Variants in BPI observed in about 807,000 individuals in gnomAD.
BPI encodes bactericidal permeability increasing protein.
BPI carries 48 observed loss-of-function variants against 57.6 expected under a neutral mutation model. That is an observed-to-expected ratio of 0.83 (90% CI 0.66 to 1.06). The LOEUF is 1.06. Among genes scored for constraint, BPI ranks in the 50% least tolerant of loss-of-function variants. BPI has a pLI of 0.00. For missense variants in BPI, 651 were observed against 609.7 expected (o/e 1.07, Z -0.71); for synonymous variants, 237 against 238.2 (o/e 0.99, Z 0.05).
chr20:38,328,694 A>G, intron 11 of BPI, among the ~76,000 whole-genome samples: 1 of 151,702 alleles, frequency 6.6e-6, no homozygotes, highest in Admixed American at 6.6e-5. Context: ...AGAAACAGAA[A>G]TGCAGAAAGA....
At chr20:38,329,790 G>T (rs534476775) in intron 11 of BPI, among the ~76,000 whole-genome samples, 1 of 152,138 alleles carries the variant, frequency 6.6e-6, no homozygotes, top group African/African-American at 2.4e-5. Flanking sequence ...TCAGCTCACT[G>T]CAACCCCTGC....
At chr20:38,334,159 G>C (rs1239074241) in intron 12 of BPI, among the ~76,000 whole-genome samples, 1 of 152,210 alleles carries the variant, frequency 6.6e-6, no homozygotes, top group Admixed American at 6.5e-5. Context: ...CCTCATGATT[G>C]TCGTGAGTTG....
intron 9 of BPI, among the ~76,000 whole-genome samples, chr20:38,325,628 T>C (rs2076708679): frequency 6.6e-6 from 1 of 152,160 alleles, no homozygotes; most frequent in Non-Finnish European, 1.5e-5. Context: ...CACTGGGAAT[T>C]AGGGTTTCAA....
intron 3 of BPI, 150 bp downstream of exon 3, chr20:38,309,208 G>A: frequency 8.5e-7 from 1 of 1,172,282 alleles, no homozygotes; most frequent in Non-Finnish European, 1.2e-6. Flanking sequence ...CACATGAGAA[G>A]ATTCAACATA....
intron 10 of BPI, 81 bp from the exon 11 acceptor site, chr20:38,327,507 A>G (rs545498486): frequency 6.6e-7 from 1 of 1,511,460 alleles, no homozygotes; most frequent in African/African-American, 1.4e-5. Context: ...AGCCGTTGTG[A>G]AGCTGACCCT....
intron 1 of BPI, among the ~76,000 whole-genome samples, chr20:38,304,744 G>A (rs1391968102): frequency 6.6e-6 from 1 of 152,146 alleles, no homozygotes; most frequent in Non-Finnish European, 1.5e-5. Flanking sequence ...GGAGAGTGTG[G>A]GAGGACCTCC....
chr20:38,335,890 G>A (rs1025276414), intron 14 of BPI, among the ~76,000 whole-genome samples: 2 of 152,094 alleles, frequency 1.3e-5, no homozygotes, highest in Admixed American at 6.5e-5. Context: ...CCAGGCTCCC[G>A]GCTTTGAACC....
intron 5 of BPI, among the ~76,000 whole-genome samples, 154 bp downstream of exon 5, chr20:38,312,091 C>T (rs2076624805): frequency 6.6e-6 from 1 of 152,102 alleles, no homozygotes; most frequent in Admixed American, 6.5e-5. Flanking sequence ...AAAATCCTGT[C>T]ATGTATGTTT....
At chr20:38,316,698 C>G (rs61518189) in intron 5 of BPI, among the ~76,000 whole-genome samples, 1 of 152,060 alleles carries the variant, frequency 6.6e-6, no homozygotes, top group African/African-American at 2.4e-5. Flanking sequence ...GTGGGGAGCA[C>G]ACCTCAGAAT....
Position 38,304,274 on chromosome 20 carries a change from G to C in BPI, c.51G>C (p.Leu17=), listed in dbSNP as rs1341024. ...CGAGATGGGCGTCCCTGATGGTGCT[G>C]GTCGCCATAGGCACCGCCGTGACAG... ...NAPRWASLMV[L]VAIGTAVTAA... is the part of the protein sequence containing the mutation. Residue 17 remains leucine (L), a synonymous_variant, in exon 1 of 15, where the codon CTG becomes CTC. Transcript: ENST00000642449. The C allele has an allele frequency of 0.52, 844,744 of 1,613,722 alleles. 226,407 individuals carry two copies. Among genetic ancestry groups the C allele is most frequent in the East Asian group, 0.61 (27,147 of 44,834 alleles).
chr20:38,318,837 C>T (rs2076666592), intron 6 of BPI, among the ~76,000 whole-genome samples: 1 of 152,170 alleles, frequency 6.6e-6, no homozygotes, highest in Non-Finnish European at 1.5e-5. Flanking sequence ...CAGTAATCTT[C>T]ACCCCCAAGT....
chr20:38,323,865 C>T lies in BPI; in HGVS notation c.757-5C>T, dbSNP rs190748811. 1,042 of 1,613,612 alleles carry T rather than the reference C, an allele frequency of 6.5e-4. 12 individuals carry two copies. The East Asian group carries it at 9.7e-3, about 15-fold the overall frequency. The stretch of plus-strand genomic sequence containing the variant: ...CTGGGCTCACTCTGTTGCCTCTACC[C>T]CCAGGGGGAGTTTTACAGTGAGAAC... On this transcript the variant is annotated splice_polypyrimidine_tract_variant and splice_region_variant and intron_variant, in intron 7 of 14. Coordinates refer to ENST00000642449, the MANE Select transcript of BPI (RefSeq NM_001725.3).
intron 9 of BPI, 131 bp from the exon 10 acceptor site, chr20:38,326,134 A>G (rs2076711679): frequency 1.0e-6 from 1 of 986,494 alleles, no homozygotes; most frequent in Non-Finnish European, 1.4e-6. Context: ...AGACTGTGCA[A>G]TCTTAGGATT....
intron 6 of BPI, among the ~76,000 whole-genome samples, chr20:38,318,693 C>T (rs1222219957): frequency 1.3e-5 from 2 of 152,108 alleles, no homozygotes; most frequent in African/African-American, 4.8e-5. Context: ...CATACTACCT[C>T]ATTCCCTCAG....
chr20:38,318,539 G>A (rs537600421), intron 6 of BPI, 63 bp downstream of exon 6: 2 of 1,565,064 alleles, frequency 1.3e-6, no homozygotes, highest in African/African-American at 2.7e-5. Context: ...GAGGACGTCA[G>A]GGTGGATGTG....
Position 38,310,538 on chromosome 20 carries a change from C to T in BPI, c.422C>T (p.Ser141Leu), listed in dbSNP as rs201900727. 2.6e-5 allele frequency: 42 copies of T among 1,614,166 alleles called. No individual in the cohort carries two copies. In the East Asian group the frequency reaches 3.1e-4, roughly 12 times the overall value. Reference protein sequence around the residue: ...FDLSIEGMSISADLKLGSNPT... With the variant: ...FDLSIEGMSILADLKLGSNPT... ...CTGAGCATAGAAGGCATGTCCATTT[C>T]GGCTGATCTGAAGCTGGGCAGTAAC... The change falls in exon 4 of 15, where the codon TCG becomes TTG. Residue 141 changes from serine to leucine, a missense_variant. Transcript: ENST00000642449.
At chr20:38,331,857 AAAAG>A (rs2076744241) in intron 12 of BPI, among the ~76,000 whole-genome samples, 2 of 136,118 alleles carry the variant, frequency 1.5e-5, no homozygotes, top group African/African-American at 5.1e-5. Flanking sequence ...AAAAAAAAAA[AAAAG>A]AGAGAGAAGA....
chr20:38,330,654 G>A (rs1018086226), intron 11 of BPI, among the ~76,000 whole-genome samples: 4 of 152,150 alleles, frequency 2.6e-5, no homozygotes, highest in African/African-American at 9.7e-5. Context: ...ACCAAGTGGT[G>A]GCAAAATAGT....
chr20:38,306,088 A>G (rs1345938826), intron 1 of BPI, among the ~76,000 whole-genome samples: 1 of 152,094 alleles, frequency 6.6e-6, no homozygotes, highest in Non-Finnish European at 1.5e-5. Flanking sequence ...CTGGAGTGCA[A>G]TGGTGCCATC....
Sources: gnomAD v4.1 joint callset for allele counts (sites outside exome capture counted in the v4.1 genomes callset) on GRCh38, gnomAD v4.1.1 for gene constraint, MANE v1.5 for transcripts, NCBI Gene and HGNC (gene_info 2026-07-23, HGNC 2026-07-21) for gene names.